Variants in SLC16A10 observed in about 807,000 individuals in gnomAD.
The protein encoded by SLC16A10 is monocarboxylate transporter 10.
Under a neutral mutation model 40.0 loss-of-function variants are expected in SLC16A10, and 27 were observed. That is an observed-to-expected ratio of 0.67 (90% CI 0.50 to 0.93). The LOEUF is 0.93. SLC16A10 is among the 40% of genes least tolerant of loss of function. SLC16A10 has a pLI of 0.00. For missense variants in SLC16A10, 529 were observed against 658.2 expected, an observed-to-expected ratio of 0.80 and a Z score of 2.15; for synonymous variants, 213 against 249.8, an observed-to-expected ratio of 0.85 and a Z score of 1.39.
intron 1 of SLC16A10, 40 bp from the exon 2 acceptor site, chr6:111,172,655 C>A: frequency 6.3e-7 from 1 of 1,597,064 alleles, no homozygotes; most frequent in South Asian, 1.1e-5. Flanking sequence ...ATATAACTTA[C>A]CATGTCATAA....
intron 2 of SLC16A10, among the ~76,000 whole-genome samples, chr6:111,176,897 T>A (rs189327574): frequency 6.6e-6 from 1 of 152,334 alleles, no homozygotes; most frequent in Admixed American, 6.5e-5. Context: ...TTCTGAGCTG[T>A]GGAGAGCACA....
intron 1 of SLC16A10, among the ~76,000 whole-genome samples, chr6:111,140,427 C>T (rs1374731726): frequency 6.6e-6 from 1 of 151,882 alleles, no homozygotes; most frequent in African/African-American, 2.4e-5. Context: ...CATGCCACTG[C>T]ACTCCAGCCT....
chr6:111,185,626 A>T (rs907485799), intron 3 of SLC16A10, among the ~76,000 whole-genome samples: 1 of 152,216 alleles, frequency 6.6e-6, no homozygotes, highest in African/African-American at 2.4e-5. Flanking sequence ...AACATGGACC[A>T]TACATAGCTT....
chr6:111,094,920 C>T (rs367932115), intron 1 of SLC16A10, among the ~76,000 whole-genome samples: 5 of 152,324 alleles, frequency 3.3e-5, no homozygotes, highest in East Asian at 1.9e-4. Flanking sequence ...GGACTACAGG[C>T]GGGACCTACT....
intron 1 of SLC16A10, among the ~76,000 whole-genome samples, chr6:111,108,094 A>G (rs1771317053): frequency 6.6e-6 from 1 of 151,144 alleles, no homozygotes; most frequent in South Asian, 2.1e-4. Flanking sequence ...ATCTTGGCTC[A>G]CTGCAACCTC....
Position 111,177,401 on chromosome 6 carries a change from C to T in SLC16A10, c.678C>T (p.Asp226=). ...LLPLLLRVLI[D]SVGLFYTLRV... is the part of the protein sequence containing the mutation. Reference sequence around the variant, plus strand: ...CTTTGCTCTTAAGGGTTCTGATTGACAGCGTGGGCCTCTTTTACACATTGA... The same window carrying T: ...CTTTGCTCTTAAGGGTTCTGATTGATAGCGTGGGCCTCTTTTACACATTGA... The change falls in exon 3 of 6, where the codon GAC becomes GAT. Residue 226 remains aspartate, a synonymous_variant. Coordinates refer to ENST00000368851, the MANE Select transcript of SLC16A10 (RefSeq NM_018593.5). 2 of 1,613,986 alleles carry T rather than the reference C, an allele frequency of 1.2e-6. No homozygotes were observed. Among genetic ancestry groups the T allele is most frequent in the Non-Finnish European group, 1.7e-6 (2 of 1,179,964 alleles).
intron 1 of SLC16A10, among the ~76,000 whole-genome samples, chr6:111,171,128 C>G (rs1045645587): frequency 5.9e-5 from 9 of 152,094 alleles, no homozygotes; most frequent in African/African-American, 1.9e-4. Context: ...CACAGCGAGA[C>G]CCTGTCTCAT....
intron 2 of SLC16A10, 141 bp from the exon 3 acceptor site, chr6:111,177,071 A>ATTTT (rs773411509): frequency 7.8e-5 from 32 of 412,164 alleles, no homozygotes; most frequent in African/African-American, 5.4e-4. Context: ...ATTTTGGTTA[A>ATTTT]TTTTTTTTTT....
chr6:111,124,169 A>G (rs1562404316), intron 1 of SLC16A10, among the ~76,000 whole-genome samples: 1 of 152,160 alleles, frequency 6.6e-6, no homozygotes, highest in Non-Finnish European at 1.5e-5. Context: ...ATTGGCAGGA[A>G]GTAGGTAAAC....
intron 1 of SLC16A10, among the ~76,000 whole-genome samples, chr6:111,144,657 A>G (rs1451663058): frequency 6.6e-6 from 1 of 152,276 alleles, no homozygotes; most frequent in Non-Finnish European, 1.5e-5. Context: ...TGGAGGCAAG[A>G]GGGAAGAATT....
intron 1 of SLC16A10, among the ~76,000 whole-genome samples, chr6:111,167,217 A>G (rs578078434): frequency 3.9e-5 from 6 of 152,346 alleles, no homozygotes; most frequent in Admixed American, 3.3e-4. Flanking sequence ...GCAAGTTCTG[A>G]TACAAAGAAG....
chr6:111,100,988 C>A (rs796782415), intron 1 of SLC16A10, among the ~76,000 whole-genome samples: 3,837 of 76,788 alleles, frequency 0.05, 53 homozygotes, highest in Non-Finnish European at 0.067. Context: ...CTCTCTCTCT[C>A]TCTCTATATA....
At chr6:111,100,992 C>CTCTCTCTCTATA (rs1410556945) in intron 1 of SLC16A10, among the ~76,000 whole-genome samples, 1 of 66,426 alleles carries the variant, frequency 1.5e-5, no homozygotes, top group Non-Finnish European at 2.7e-5. Flanking sequence ...CTCTCTCTCT[C>CTCTCTCTCTATA]TATATATATA....
At chr6:111,096,978 C>A (rs1771085308) in intron 1 of SLC16A10, among the ~76,000 whole-genome samples, 1 of 152,090 alleles carries the variant, frequency 6.6e-6, no homozygotes, top group African/African-American at 2.4e-5. Flanking sequence ...TACCACCACA[C>A]CTGGCTAATT....
chr6:111,211,248 A>G (rs1347666463), intron 4 of SLC16A10, among the ~76,000 whole-genome samples: 1 of 152,180 alleles, frequency 6.6e-6, no homozygotes, highest in Non-Finnish European at 1.5e-5. Flanking sequence ...ATATATCAGC[A>G]TTTTATTCCA....
At chr6:111,144,397 G>C (rs1446126187) in intron 1 of SLC16A10, among the ~76,000 whole-genome samples, 1 of 152,098 alleles carries the variant, frequency 6.6e-6, no homozygotes, top group Non-Finnish European at 1.5e-5. Context: ...TAGAGATGGG[G>C]TTTCACCGTG....
Position 111,228,893 on chromosome 6 carries a change from G to T in SLC16A10, c.*6658G>T, listed in dbSNP as rs1771056165. 2 of 152,094 alleles carry T rather than the reference G, an allele frequency of 1.3e-5. No homozygotes were observed. Among genetic ancestry groups the T allele is most frequent in the South Asian group, 4.2e-4 (2 of 4,812 alleles). The allele number at this position is 152,094 out of a possible 1,614,324, so 9.4% of individuals were successfully genotyped here. A position where few individuals can be genotyped will look rare whatever the true frequency, so the allele number is the denominator to read the frequency against. ...AAAAATACAAAATTAGCCGGGCGTG[G>T]TGGCTCCATGCTGTAATCCCAGCTA... On this transcript the variant is annotated 3_prime_UTR_variant, in exon 6 of 6. Coordinates refer to ENST00000368851, the MANE Select transcript of SLC16A10 (RefSeq NM_018593.5).
chr6:111,227,474 C>T lies in SLC16A10; in HGVS notation c.*5239C>T, dbSNP rs2114601569. 6.6e-6 allele frequency: 1 copy of T among 152,296 alleles called. No homozygotes were observed. Among genetic ancestry groups the T allele is most frequent in the African/African-American group, 2.4e-5 (1 of 41,562 alleles). The allele number at this position is 152,296 out of a possible 1,614,324, so 9.4% of individuals were successfully genotyped here. ...TTTTATCAGATGACTCCTCCTGAGA[C>T]AGTAAAGACTCCTGGAAAATTCATG... On this transcript the variant is annotated 3_prime_UTR_variant, in exon 6 of 6. Coordinates refer to ENST00000368851, the MANE Select transcript of SLC16A10 (RefSeq NM_018593.5).
At chr6:111,114,534 T>C (rs1195729380) in intron 1 of SLC16A10, among the ~76,000 whole-genome samples, 1 of 152,208 alleles carries the variant, frequency 6.6e-6, no homozygotes, top group Non-Finnish European at 1.5e-5. Context: ...GTTAAAAATA[T>C]GCATTTTAAA....
Sources: gnomAD v4.1 joint callset for allele counts (sites outside exome capture counted in the v4.1 genomes callset) on GRCh38, gnomAD v4.1.1 for gene constraint, MANE v1.5 for transcripts, NCBI Gene and HGNC (gene_info 2026-07-23, HGNC 2026-07-21) for gene names.